Variants in ANAPC1 observed in about 807,000 individuals in gnomAD.
ANAPC1 encodes the protein anaphase-promoting complex subunit 1.
ANAPC1 carries 36 observed loss-of-function variants against 208.0 expected under a neutral mutation model. The observed-to-expected ratio is 0.17, with a 90% CI of 0.13 to 0.23. The LOEUF (loss-of-function observed/expected upper bound fraction) is 0.23, where lower values mean the gene tolerates loss of function less well. ANAPC1 is among the 10% of genes least tolerant of loss of function. The pLI is 1.00. For synonymous variants in ANAPC1, 378 were observed against 695.2 expected (o/e 0.54, Z 7.18); for missense variants, 942 against 2,011.6 (o/e 0.47, Z 10.17).
At chr2:111,781,729 C>A (rs1367674027) in intron 43 of ANAPC1, among the ~76,000 whole-genome samples, 1 of 152,202 alleles carries the variant, frequency 6.6e-6, no homozygotes, top group Non-Finnish European at 1.5e-5. Context: ...AGTCTTAATG[C>A]CTGATTATGG....
chr2:111,775,838 T>TC (rs1429075899), intron 46 of ANAPC1, among the ~76,000 whole-genome samples: 1 of 152,236 alleles, frequency 6.6e-6, no homozygotes, highest in Non-Finnish European at 1.5e-5. Context: ...AACATGTTTT[T>TC]CCCCAAAAAT....
intron 2 of ANAPC1, chr2:111,880,392 T>C (rs1683240013): frequency 9.8e-7 from 1 of 1,020,658 alleles, no homozygotes; most frequent in Non-Finnish European, 1.3e-6. Flanking sequence ...AATTGAAAAA[T>C]AAAAAATAAA....
intron 38 of ANAPC1, among the ~76,000 whole-genome samples, chr2:111,789,784 C>T (rs1677774645): frequency 6.6e-6 from 1 of 152,048 alleles, no homozygotes; most frequent in Admixed American, 6.6e-5. Flanking sequence ...AAAGCAGTAG[C>T]AGAATGGTAG....
intron 17 of ANAPC1, among the ~76,000 whole-genome samples, chr2:111,842,581 T>G (rs1680823992): frequency 6.7e-6 from 1 of 149,138 alleles, no homozygotes; most frequent in Non-Finnish European, 1.5e-5. Context: ...AGGCAGAGCC[T>G]GTAGTGAGCT....
At chr2:111,790,355 T>C (rs1359085301) in intron 38 of ANAPC1, among the ~76,000 whole-genome samples, 2 of 152,120 alleles carry the variant, frequency 1.3e-5, no homozygotes, top group Non-Finnish European at 2.9e-5. Context: ...AAAACCGAGT[T>C]TGAAGGATTT....
At position 111,872,058 on chromosome 2, in the gene ANAPC1, T is replaced by G. The variant is rs916088994; in HGVS notation, c.611+572A>C. ...ATAGAAATAGTGAAAGTAGGCATCT[T>G]AGTCTTCTTCCAGTTCTCAGGGGGA... On this transcript the variant is annotated intron_variant, in intron 6 of 47. Coordinates refer to ENST00000341068, the MANE Select transcript of ANAPC1 (RefSeq NM_022662.4). Among the ~76,000 whole-genome samples the G allele has an allele frequency of 7.9e-5, 12 of 152,354 alleles. No homozygotes were observed. The East Asian group carries it at 2.3e-3, about 29-fold the overall frequency.
chr2:111,857,852 G>A (rs1261392070), intron 11 of ANAPC1, among the ~76,000 whole-genome samples: 9 of 151,994 alleles, frequency 5.9e-5, no homozygotes, highest in Non-Finnish European at 1.3e-4. Flanking sequence ...TCTATACAAT[G>A]GACTATTACA....
rs1677925722 is a variant in ANAPC1 at position 111,792,441 on chromosome 2, T to G, written c.4633A>C (p.Lys1545Gln). 1.2e-6 allele frequency: 2 copies of G among 1,612,934 alleles called. No individual in the cohort carries two copies. The highest frequency in any genetic ancestry group is 1.3e-5 in the African/African-American group (1 of 74,628). The change falls in exon 38 of 48, where the codon AAA (lysine) becomes CAA (glutamine). Residue 1545 changes from lysine to glutamine, a missense_variant. Transcript: ENST00000341068. ...CCATAGTTCATTTCACCACCCGTTT[T>G]CATGTGTAAGAAGCGACAAAGCTGC... Reference protein sequence around the residue: ...VLQLCRFLHMKTGGEMNYGFH... With the variant: ...VLQLCRFLHMQTGGEMNYGFH...
At chr2:111,770,902 ATC>A (rs1193631153) in intron 47 of ANAPC1, among the ~76,000 whole-genome samples, 1 of 151,758 alleles carries the variant, frequency 6.6e-6, no homozygotes. Flanking sequence ...TGTTTCTATT[ATC>A]TGTTTTTTTA....
Position 111,768,220 on chromosome 2 carries a change from T to C in ANAPC1, c.*1071A>G, listed in dbSNP as rs559407895. On this transcript the variant is annotated 3_prime_UTR_variant, in exon 48 of 48. Transcript: ENST00000341068. ...ACTCGAAGCTGGAGGTGCCTTTATA[T>C]GAACATTTTTCATCATCATCTAGTC... 10 of 152,212 alleles carry C rather than the reference T, an allele frequency of 6.6e-5. No homozygotes were observed. Among genetic ancestry groups the C allele is most frequent in the Non-Finnish European group, 1.0e-4 (7 of 68,058 alleles). The allele number at this position is 152,212 out of a possible 1,614,324, so 9.4% of individuals were successfully genotyped here.
intron 24 of ANAPC1, among the ~76,000 whole-genome samples, chr2:111,822,991 CTT>C (rs1192670055): frequency 8.0e-6 from 1 of 124,830 alleles, no homozygotes; most frequent in African/African-American, 3.0e-5. Flanking sequence ...AATAATAATT[CTT>C]TTTATTCTTT....
chr2:111,848,624 A>C (rs1380437171), intron 14 of ANAPC1, among the ~76,000 whole-genome samples: 23 of 151,996 alleles, frequency 1.5e-4, no homozygotes, highest in Non-Finnish European at 3.1e-4. Flanking sequence ...TAAAAATACA[A>C]AAATTAGCCA....
chr2:111,815,462 C>T lies in ANAPC1; in HGVS notation c.3505G>A (p.Ala1169Thr). The change falls in exon 28 of 48, where the codon GCC becomes ACC. Residue 1169 changes from alanine (A) to threonine (T), a missense_variant. Transcript: ENST00000341068. Reference protein sequence around the residue: ...VYNKPKHAELANEYAGFLMAL... With the variant: ...VYNKPKHAELTNEYAGFLMAL... ...ATGAGAAAGCCAGCATACTCATTGG[C>T]CAACTCAGCATGCTTGGGCTTATTG... The T allele has an allele frequency of 4.3e-6, 1 of 231,542 alleles. No individual in the cohort carries two copies. The highest frequency in any genetic ancestry group is 8.5e-5 in the Admixed American group (1 of 11,702). 14.3% of individuals were successfully genotyped at this position (231,542 alleles called of 1,614,324 possible). A position where few individuals can be genotyped will look rare whatever the true frequency, so the allele number is the denominator to read the frequency against.
intron 3 of ANAPC1, among the ~76,000 whole-genome samples, chr2:111,875,828 T>C (rs1548190): frequency 0.58 from 87,763 of 152,050 alleles, 26,389 homozygotes; most frequent in South Asian, 0.69. Flanking sequence ...TTTTCCATAA[T>C]TCTTTTTGCT....
At chr2:111,879,787 A>G (rs2311833) in intron 2 of ANAPC1, among the ~76,000 whole-genome samples, 1 of 151,942 alleles carries the variant, frequency 6.6e-6, no homozygotes, top group East Asian at 1.9e-4. Context: ...CAGGAGAATC[A>G]CTTGAATCCA....
chr2:111,829,507 C>T (rs1228992750), intron 21 of ANAPC1, among the ~76,000 whole-genome samples: 5 of 152,102 alleles, frequency 3.3e-5, no homozygotes, highest in Non-Finnish European at 7.3e-5. Flanking sequence ...CCACAAGGGG[C>T]CTATGAGCAG....
At chr2:111,853,378 G>C (rs1427717049) in intron 13 of ANAPC1, among the ~76,000 whole-genome samples, 3 of 152,024 alleles carry the variant, frequency 2.0e-5, no homozygotes, top group Middle Eastern at 3.2e-3. Flanking sequence ...TTTGTTTTCT[G>C]TATGTTCCCA....
intron 10 of ANAPC1, among the ~76,000 whole-genome samples, chr2:111,858,891 C>A (rs1349992920): frequency 6.6e-6 from 1 of 152,060 alleles, no homozygotes; most frequent in African/African-American, 2.4e-5. Flanking sequence ...CTCTAAGATC[C>A]TTTCAGTTCT....
intron 3 of ANAPC1, among the ~76,000 whole-genome samples, chr2:111,875,121 G>A (rs1425056255): frequency 1.3e-5 from 2 of 152,212 alleles, no homozygotes; most frequent in South Asian, 2.1e-4. Context: ...AGCCAACCTA[G>A]TAAAGTGGTA....
Sources: gnomAD v4.1 joint callset for allele counts (sites outside exome capture counted in the v4.1 genomes callset) on GRCh38, gnomAD v4.1.1 for gene constraint, MANE v1.5 for transcripts, NCBI Gene and HGNC (gene_info 2026-07-23, HGNC 2026-07-21) for gene names.